The following CHRM3 variants were observed in gnomAD, a reference collection of about 807,000 sequenced individuals.
CHRM3 encodes cholinergic receptor muscarinic 3.
In CHRM3, 11 loss-of-function variants were observed where a neutral mutation model predicts 41.8. The observed-to-expected ratio is 0.26, with a 90% CI of 0.17 to 0.44. The LOEUF is 0.44. Among genes scored for constraint, CHRM3 ranks in the 20% least tolerant of loss-of-function variants. The pLI is 1.00. For synonymous variants in CHRM3, 297 were observed against 301.4 expected, an observed-to-expected ratio of 0.99 and a Z score of 0.15; for missense variants, 571 against 745.4, an observed-to-expected ratio of 0.77 and a Z score of 2.72.
chr1:239,618,628 A>T (rs1667943431), intron 3 of CHRM3, among the ~76,000 whole-genome samples: 1 of 151,588 alleles, frequency 6.6e-6, no homozygotes, highest in Admixed American at 6.6e-5. Flanking sequence ...TCGGATCACG[A>T]GGTCAGGAGA....
chr1:239,432,678 G>A (rs1004801795), intron 1 of CHRM3, among the ~76,000 whole-genome samples: 1 of 152,150 alleles, frequency 6.6e-6, no homozygotes, highest in Non-Finnish European at 1.5e-5. Flanking sequence ...AGGAACGTAT[G>A]AAAATCAATT....
At chr1:239,641,148 G>T (rs78530551) in intron 4 of CHRM3, among the ~76,000 whole-genome samples, 4 of 152,096 alleles carry the variant, frequency 2.6e-5, no homozygotes, top group Admixed American at 6.5e-5. Context: ...TATAATTTCT[G>T]TTCTTTTACA....
At chr1:239,712,294 G>A (rs1379096169) in intron 5 of CHRM3, among the ~76,000 whole-genome samples, 5 of 152,202 alleles carry the variant, frequency 3.3e-5, no homozygotes, top group Admixed American at 6.5e-5. Context: ...GAATGACTTC[G>A]TTGGTTTGTG....
chr1:239,682,446 A>G (rs1054746606), intron 5 of CHRM3, among the ~76,000 whole-genome samples: 13 of 152,218 alleles, frequency 8.5e-5, no homozygotes, highest in African/African-American at 3.1e-4. Flanking sequence ...AAGGCAAATT[A>G]AAATCTCTGA....
chr1:239,730,060 A>T (rs1348967978), intron 5 of CHRM3, among the ~76,000 whole-genome samples: 1 of 151,990 alleles, frequency 6.6e-6, no homozygotes, highest in Non-Finnish European at 1.5e-5. Flanking sequence ...CTTTAATGTG[A>T]TTTACAAAGA....
intron 2 of CHRM3, among the ~76,000 whole-genome samples, chr1:239,493,412 T>A (rs1667682510): frequency 6.6e-6 from 1 of 152,220 alleles, no homozygotes; most frequent in Admixed American, 6.5e-5. Context: ...CTCTATCAGA[T>A]GAATTTTTCT....
chr1:239,607,779 T>G (rs1002965812), intron 3 of CHRM3, among the ~76,000 whole-genome samples: 6 of 152,210 alleles, frequency 3.9e-5, no homozygotes, highest in Admixed American at 1.3e-4. Flanking sequence ...GCCTTAGATT[T>G]ATTTGAAGTC....
intron 3 of CHRM3, among the ~76,000 whole-genome samples, chr1:239,557,498 AG>A (rs1660474503): frequency 6.6e-6 from 1 of 152,150 alleles, no homozygotes; most frequent in South Asian, 2.1e-4. Context: ...TATAAGTTTC[AG>A]GGTACATGTG....
At chr1:239,865,352 T>C (rs943060178) in intron 6 of CHRM3, among the ~76,000 whole-genome samples, 2 of 152,186 alleles carry the variant, frequency 1.3e-5, no homozygotes, top group Non-Finnish European at 2.9e-5. Context: ...GCATCCAGGG[T>C]ATAAGGATGT....
chr1:239,780,421 C>A (rs2148796213), intron 5 of CHRM3, among the ~76,000 whole-genome samples: 1 of 152,238 alleles, frequency 6.6e-6, no homozygotes, highest in South Asian at 2.1e-4. Flanking sequence ...ACTGTATATC[C>A]TCTTTGGTGA....
intron 5 of CHRM3, among the ~76,000 whole-genome samples, chr1:239,822,240 G>A (rs984764954): frequency 3.3e-5 from 5 of 152,158 alleles, no homozygotes; most frequent in East Asian, 1.9e-4. Context: ...ATAGTAATTG[G>A]CAACTCTTGC....
intron 2 of CHRM3, among the ~76,000 whole-genome samples, chr1:239,545,081 T>A (rs1024581921): frequency 2.6e-5 from 4 of 152,182 alleles, no homozygotes; most frequent in Non-Finnish European, 1.5e-5. Context: ...CATAAAAAAT[T>A]CACATCACGG....
chr1:239,889,712 G>A (rs1354652063), intron 6 of CHRM3, among the ~76,000 whole-genome samples: 2 of 152,164 alleles, frequency 1.3e-5, no homozygotes, highest in Admixed American at 1.3e-4. Flanking sequence ...GTCCTGGGCT[G>A]CCACACCTGG....
chr1:239,902,419 A>G (rs1679652831), intron 6 of CHRM3, among the ~76,000 whole-genome samples: 1 of 152,184 alleles, frequency 6.6e-6, no homozygotes. Context: ...CAAAACTCCA[A>G]AGAAAGACCA....
chr1:239,609,920 C>T (rs1301962686), intron 3 of CHRM3, among the ~76,000 whole-genome samples: 1 of 152,046 alleles, frequency 6.6e-6, no homozygotes, highest in Non-Finnish European at 1.5e-5. Flanking sequence ...AGGCCGGGCG[C>T]AGTGGCTCAA....
chr1:239,767,986 C>T (rs1667357825), intron 5 of CHRM3, among the ~76,000 whole-genome samples: 1 of 152,084 alleles, frequency 6.6e-6, no homozygotes, highest in South Asian at 2.1e-4. Context: ...GTCCATAGGT[C>T]ACAGTTTGAA....
intron 5 of CHRM3, among the ~76,000 whole-genome samples, chr1:239,762,017 C>G (rs887614994): frequency 1.2e-4 from 19 of 152,156 alleles, no homozygotes; most frequent in Admixed American, 9.8e-4. Flanking sequence ...TCCTCGGGTT[C>G]ACTTTGCTTG....
intron 1 of CHRM3, among the ~76,000 whole-genome samples, chr1:239,420,704 G>T (rs1471380811): frequency 2.0e-5 from 3 of 152,068 alleles, no homozygotes; most frequent in Non-Finnish European, 4.4e-5. Context: ...AATCCTTTGG[G>T]AGAACTATGC....
intron 4 of CHRM3, among the ~76,000 whole-genome samples, chr1:239,674,939 T>A (rs985314923): frequency 6.6e-5 from 10 of 152,138 alleles, no homozygotes; most frequent in African/African-American, 2.4e-4. Context: ...TTATTACTCC[T>A]CCTCGCTGTC....
Sources: allele counts gnomAD v4.1 joint callset (sites outside exome capture counted in the v4.1 genomes callset), GRCh38; gene constraint gnomAD v4.1.1; transcripts MANE v1.5; gene names NCBI Gene and HGNC (gene_info 2026-07-23, HGNC 2026-07-21).